Variants in HS3ST4 observed in about 807,000 individuals in gnomAD.
HS3ST4 encodes the protein heparan sulfate glucosamine 3-O-sulfotransferase 4.
A neutral mutation model predicts 29.2 loss-of-function variants in HS3ST4; 17 were observed. That is an observed-to-expected ratio of 0.58 (90% CI 0.40 to 0.87). The LOEUF (loss-of-function observed/expected upper bound fraction) is 0.87. HS3ST4 is among the 40% of genes least tolerant of loss of function. The pLI, the probability that HS3ST4 is intolerant of heterozygous loss-of-function variation, is 0.00. For synonymous variants in HS3ST4, 314 were observed against 285.7 expected (o/e 1.10, Z -1.00); for missense variants, 627 against 634.5 (o/e 0.99, Z 0.13).
intron 1 of HS3ST4, among the ~76,000 whole-genome samples, chr16:25,952,842 G>A (rs1968695242): frequency 1.3e-5 from 2 of 152,114 alleles, no homozygotes; most frequent in South Asian, 4.1e-4. Context: ...GCATTCGATG[G>A]ATGTTCCTTA....
At chr16:25,988,687 C>T (rs950622826) in intron 1 of HS3ST4, among the ~76,000 whole-genome samples, 3 of 151,974 alleles carry the variant, frequency 2.0e-5, no homozygotes, top group Non-Finnish European at 4.4e-5. Flanking sequence ...TAGAGGGGAA[C>T]AACACACACT....
At chr16:25,804,434 A>G (rs28538019) in intron 1 of HS3ST4, among the ~76,000 whole-genome samples, 33,725 of 152,044 alleles carry the variant, frequency 0.22, 4,092 homozygotes, top group Non-Finnish European at 0.26. Context: ...CCTTGAATTA[A>G]TTCCTTAACT....
chr16:26,083,706 C>T (rs1369739439), intron 1 of HS3ST4, among the ~76,000 whole-genome samples: 1 of 151,788 alleles, frequency 6.6e-6, no homozygotes. Flanking sequence ...CACAGGCTGA[C>T]ATTCTTATAT....
chr16:26,002,637 A>C (rs1969221574), intron 1 of HS3ST4, among the ~76,000 whole-genome samples: 1 of 147,642 alleles, frequency 6.8e-6, no homozygotes, highest in South Asian at 2.3e-4. Flanking sequence ...AAGAGAGAGA[A>C]AGGGAGGAAA....
At chr16:25,756,830 C>T (rs1351513766) in intron 1 of HS3ST4, among the ~76,000 whole-genome samples, 2 of 152,150 alleles carry the variant, frequency 1.3e-5, no homozygotes, top group Admixed American at 6.5e-5. Flanking sequence ...AGCAAAACTG[C>T]TTTGAAGCTA....
rs776974167 is a variant in HS3ST4, at chr16:25,797,071, C to T, written c.734+103920C>T. 2.0e-4 allele frequency among the ~76,000 whole-genome samples: 31 copies of T among 152,142 alleles called. 1 individual carries two copies. The highest frequency in any genetic ancestry group is 4.3e-4 in the African/African-American group (18 of 41,434). ...CTGTCCTCACTGTAGCCCTATAAAA[C>T]GAGAATTATTGTCTTCATTCTATAA... is the stretch of plus-strand genomic sequence containing the variant. On this transcript the variant is annotated intron_variant, in intron 1 of 1. Transcript: ENST00000331351.
chr16:26,095,574 C>A (rs1279037903), intron 1 of HS3ST4, among the ~76,000 whole-genome samples: 1 of 152,144 alleles, frequency 6.6e-6, no homozygotes, highest in African/African-American at 2.4e-5. Context: ...CCAGTGAGAA[C>A]AAAGACACAA....
rs1250650828 is a variant in HS3ST4, at chr16:26,136,042, A to T, written c.1165A>T (p.Asn389Tyr). The change falls in exon 2 of 2, where the codon AAC (asparagine) becomes TAC (tyrosine). Residue 389 changes from asparagine (N) to tyrosine (Y), a missense_variant. Asn to Tyr is a moderately radical substitution (Grantham distance 143, BLOSUM62 -2). Coordinates refer to ENST00000331351, the MANE Select transcript of HS3ST4 (RefSeq NM_006040.3). Reference protein sequence around the residue: ...RVVTEKHFYFNKTKGFPCLKK... With the variant: ...RVVTEKHFYFYKTKGFPCLKK... ...TGTGACTGAGAAGCATTTCTATTTC[A>T]ACAAAACCAAGGGGTTCCCTTGCCT... 2.5e-6 allele frequency: 4 copies of T among 1,613,910 alleles called. No individual in the cohort carries two copies. The Admixed American group carries it at 6.7e-5, about 27-fold the overall frequency.
At chr16:26,045,552 C>T (rs1373239524) in intron 1 of HS3ST4, among the ~76,000 whole-genome samples, 1 of 152,070 alleles carries the variant, frequency 6.6e-6, no homozygotes, top group Non-Finnish European at 1.5e-5. Flanking sequence ...GTAGACTGTC[C>T]ACACTGGTGG....
chr16:25,828,294 T>TC (rs1967251613), intron 1 of HS3ST4, among the ~76,000 whole-genome samples: 9 of 45,058 alleles, frequency 2.0e-4, no homozygotes, highest in Non-Finnish European at 3.4e-4. Context: ...CTTTCTTTCT[T>TC]TCTTTCCCTC....
At chr16:25,789,427 CTT>C (rs1966863709) in intron 1 of HS3ST4, among the ~76,000 whole-genome samples, 1 of 52,620 alleles carries the variant, frequency 1.9e-5, no homozygotes, top group Non-Finnish European at 3.7e-5. Flanking sequence ...TCCTTCCTTC[CTT>C]CCTTCCTTCC....
chr16:25,876,320 G>A (rs1364430974), intron 1 of HS3ST4, among the ~76,000 whole-genome samples: 1 of 152,140 alleles, frequency 6.6e-6, no homozygotes, highest in East Asian at 1.9e-4. Flanking sequence ...CTCACATAAT[G>A]AAGGTCCATG....
intron 1 of HS3ST4, among the ~76,000 whole-genome samples, chr16:25,863,220 A>G (rs1444248785): frequency 3.3e-5 from 5 of 152,072 alleles, no homozygotes; most frequent in Admixed American, 2.6e-4. Context: ...AGTAGCCAGG[A>G]CTACAGGGGT....
At chr16:25,732,460 A>G (rs562258873) in intron 1 of HS3ST4, among the ~76,000 whole-genome samples, 13 of 152,346 alleles carry the variant, frequency 8.5e-5, no homozygotes, top group African/African-American at 2.6e-4. Context: ...TAAGAAATGC[A>G]TGATTATTTT....
At chr16:26,050,480 AATTC>A (rs1217309312) in intron 1 of HS3ST4, among the ~76,000 whole-genome samples, 1 of 152,188 alleles carries the variant, frequency 6.6e-6, no homozygotes, top group East Asian at 1.9e-4. Context: ...TAATGGCATG[AATTC>A]ATGTTTCTCC....
intron 1 of HS3ST4, among the ~76,000 whole-genome samples, chr16:25,877,042 G>A (rs1240613933): frequency 2.6e-5 from 4 of 151,766 alleles, no homozygotes; most frequent in East Asian, 1.9e-4. Context: ...AATGTTTATC[G>A]AATGAAAGGA....
chr16:25,773,538 T>G (rs11074720), intron 1 of HS3ST4, among the ~76,000 whole-genome samples: 139,444 of 152,228 alleles, frequency 0.92, 64,754 homozygotes, highest in Non-Finnish European at 0.99. Flanking sequence ...ACTTAATAAA[T>G]GTTTGATGAG....
intron 1 of HS3ST4, among the ~76,000 whole-genome samples, chr16:25,736,250 T>C (rs1966609082): frequency 6.6e-6 from 1 of 152,246 alleles, no homozygotes. Flanking sequence ...TTTGAGGCTA[T>C]GACCACCCTT....
intron 1 of HS3ST4, among the ~76,000 whole-genome samples, chr16:25,894,863 A>G (rs998553230): frequency 4.6e-5 from 7 of 152,032 alleles, no homozygotes; most frequent in African/African-American, 1.7e-4. Flanking sequence ...ATATCATTCC[A>G]TATTTACCTC....
Sources: allele counts gnomAD v4.1 joint callset (sites outside exome capture counted in the v4.1 genomes callset), GRCh38; gene constraint gnomAD v4.1.1; transcripts MANE v1.5; gene names NCBI Gene and HGNC (gene_info 2026-07-23, HGNC 2026-07-21).